PHF24: variants seen among roughly 807,000 people sequenced by gnomAD.
PHF24 encodes PHD finger protein 24, also known as Galpha inhibitory interacting protein.
PHF24 carries 25 observed loss-of-function variants against 42.6 expected under a neutral mutation model. That is an observed-to-expected ratio of 0.59 (90% CI 0.43 to 0.82). PHF24 has a LOEUF of 0.82. Among genes scored for constraint, PHF24 ranks in the 40% least tolerant of loss-of-function variants. The pLI, the probability that PHF24 is intolerant of heterozygous loss-of-function variation, is 0.00. For synonymous variants in PHF24, 185 were observed against 204.8 expected, an observed-to-expected ratio of 0.90 and a Z score of 0.83; for missense variants, 470 against 538.1, an observed-to-expected ratio of 0.87 and a Z score of 1.25.
At chr9:34,886,736 A>ATATC in the PHF24 span, among the ~76,000 whole-genome samples, 65 of 148,260 alleles carry the variant, frequency 4.4e-4, no homozygotes, top group African/African-American at 1.6e-3. Flanking sequence ...TCATGGTTTT[A>ATATC]TATCTATCTA....
chr9:34,810,000 G>T, the PHF24 span, among the ~76,000 whole-genome samples: 1 of 145,028 alleles, frequency 6.9e-6, no homozygotes, highest in Non-Finnish European at 1.5e-5. The surrounding 1 kb of genome is among the most constrained non-coding windows in gnomAD (Gnocchi z 4.1). Flanking sequence ...GGGCGCACGC[G>T]CCGCCGCCGC....
the PHF24 span, among the ~76,000 whole-genome samples, chr9:34,890,656 A>G: frequency 6.6e-6 from 1 of 152,214 alleles, no homozygotes; most frequent in Non-Finnish European, 1.5e-5. Context: ...TTGGTTTAGC[A>G]ATCTTTAGAC....
At chr9:34,847,493 A>T in the PHF24 span, among the ~76,000 whole-genome samples, 1 of 151,850 alleles carries the variant, frequency 6.6e-6, no homozygotes, top group Non-Finnish European at 1.5e-5. Flanking sequence ...GCTTAAGGAG[A>T]TTTTGGGCTG....
chr9:34,848,128 GA>G, the PHF24 span, among the ~76,000 whole-genome samples: 7 of 148,428 alleles, frequency 4.7e-5, no homozygotes, highest in African/African-American at 1.7e-4. Flanking sequence ...ATGAGTTAGG[GA>G]GGATTCCCTC....
chr9:34,857,275 T>C, the PHF24 span, among the ~76,000 whole-genome samples: 1 of 152,212 alleles, frequency 6.6e-6, no homozygotes, highest in Non-Finnish European at 1.5e-5. Flanking sequence ...CACTTGACTC[T>C]TTAGATTCAG....
chr9:34,955,238 C>A (rs1826344270), upstream of PHF24, among the ~76,000 whole-genome samples: 1 of 152,002 alleles, frequency 6.6e-6, no homozygotes, highest in Non-Finnish European at 1.5e-5. Flanking sequence ...ATCTTATAAG[C>A]CCAAAAACTT....
chr9:34,808,345 C>T, the PHF24 span, among the ~76,000 whole-genome samples: 2 of 152,046 alleles, frequency 1.3e-5, no homozygotes, highest in Admixed American at 6.6e-5. Context: ...GCCTGTAATA[C>T]CAGCTACTCC....
chr9:34,909,797 G>GT, the PHF24 span, among the ~76,000 whole-genome samples: 2 of 151,992 alleles, frequency 1.3e-5, no homozygotes, highest in African/African-American at 2.4e-5. Context: ...AATTTTTTCT[G>GT]TTTTTTGGTA....
the PHF24 span, among the ~76,000 whole-genome samples, chr9:34,885,528 A>G: frequency 2.0e-5 from 3 of 152,074 alleles, no homozygotes; most frequent in Non-Finnish European, 4.4e-5. Context: ...TGGAAGCAGA[A>G]TGCAAAGGTG....
chr9:34,814,724 TA>T, the PHF24 span, among the ~76,000 whole-genome samples: 1 of 152,182 alleles, frequency 6.6e-6, no homozygotes, highest in African/African-American at 2.4e-5. Flanking sequence ...AACTTGCAAA[TA>T]AAATCGCAGA....
the PHF24 span, among the ~76,000 whole-genome samples, chr9:34,808,541 T>C: frequency 3.3e-5 from 5 of 152,142 alleles, no homozygotes; most frequent in Admixed American, 6.5e-5. Context: ...GACTAGGTGA[T>C]TTATAATGAA....
At chr9:34,938,604 A>C in the PHF24 span, among the ~76,000 whole-genome samples, 3 of 152,174 alleles carry the variant, frequency 2.0e-5, no homozygotes, top group African/African-American at 7.2e-5. Flanking sequence ...CCTGAAACAT[A>C]GTTTCCTCAT....
the PHF24 span, among the ~76,000 whole-genome samples, chr9:34,819,505 A>G: frequency 1.3e-5 from 2 of 152,200 alleles, no homozygotes; most frequent in South Asian, 4.2e-4. Context: ...TACATTTTCA[A>G]TTTCCATTAG....
the PHF24 span, among the ~76,000 whole-genome samples, chr9:34,779,161 C>T: frequency 6.6e-6 from 1 of 151,646 alleles, no homozygotes; most frequent in East Asian, 1.9e-4. Context: ...GATCTCAAAT[C>T]CATAATTTTC....
the PHF24 span, among the ~76,000 whole-genome samples, chr9:34,748,729 G>T: frequency 6.6e-6 from 1 of 152,102 alleles, no homozygotes; most frequent in Non-Finnish European, 1.5e-5. Flanking sequence ...TCCCAAGAAG[G>T]ATGGGTATGA....
At chr9:34,935,744 G>GTGTGT in the PHF24 span, among the ~76,000 whole-genome samples, 1 of 149,976 alleles carries the variant, frequency 6.7e-6, no homozygotes, top group Non-Finnish European at 1.5e-5. Flanking sequence ...GTGGGGGGGG[G>GTGTGT]GTGTGTGTGT....
Position 34,971,402 on chromosome 9 carries a change from G to A in PHF24, c.104G>A (p.Arg35Gln), listed in dbSNP as rs894237442. 91 of 1,614,036 alleles carry A rather than the reference G, an allele frequency of 5.6e-5. No individual in the cohort carries two copies. Among genetic ancestry groups the A allele is most frequent in the South Asian group, 7.7e-5 (7 of 91,086 alleles). The stretch of plus-strand genomic sequence containing the variant: ...GGGCTGCGGGACAGGCCTTCCATCC[G>A]ACGCACAGGTGAGCTGCCAGGGTCC... The change falls in exon 2 of 8, where the codon CGA becomes CAA. Residue 35 changes from arginine to glutamine, a missense_variant. Coordinates refer to ENST00000242315, the Ensembl canonical transcript of PHF24.
At chr9:34,883,024 C>G in the PHF24 span, among the ~76,000 whole-genome samples, 20 of 152,236 alleles carry the variant, frequency 1.3e-4, no homozygotes, top group African/African-American at 4.6e-4. Context: ...AGATATAGAT[C>G]AATGGAACAG....
the PHF24 span, chr9:34,723,147 T>A: frequency 6.9e-7 from 1 of 1,451,868 alleles, no homozygotes; most frequent in Non-Finnish European, 9.1e-7. Context: ...GCTGCAGCAG[T>A]TGGGGAGCCT....
Sources: allele counts gnomAD v4.1 joint callset (sites outside exome capture counted in the v4.1 genomes callset), GRCh38; gene constraint gnomAD v4.1.1; non-coding constraint Gnocchi (gnomAD v3.1); transcripts MANE v1.5; gene names NCBI Gene and HGNC (gene_info 2026-07-23, HGNC 2026-07-21).